Variants in TSEN15 observed in about 807,000 individuals in gnomAD.
TSEN15 encodes tRNA-splicing endonuclease subunit Sen15.
In TSEN15, 10 loss-of-function variants were observed where a neutral mutation model predicts 20.5. That is an observed-to-expected ratio of 0.49 (90% confidence interval 0.30 to 0.83). The LOEUF is 0.83. Among genes scored for constraint, TSEN15 ranks in the 40% least tolerant of loss-of-function variants. The probability of loss-of-function intolerance (pLI) is 0.06; values close to 1 mark genes in which losing one functional copy is unlikely to be tolerated. For missense variants in TSEN15, 180 were observed against 218.6 expected (o/e 0.82, Z 1.11); for synonymous variants, 72 against 80.1 (o/e 0.90, Z 0.54).
downstream of TSEN15, among the ~76,000 whole-genome samples, chr1:184,079,119 C>G (rs1651117137): frequency 1.3e-5 from 2 of 152,132 alleles, no homozygotes; most frequent in Non-Finnish European, 2.9e-5. Context: ...CTTACCACCC[C>G]CTAATCCTCT....
intron 3 of TSEN15, among the ~76,000 whole-genome samples, chr1:184,060,047 G>A (rs927964896): frequency 2.0e-5 from 3 of 152,138 alleles, no homozygotes; most frequent in African/African-American, 4.8e-5. Context: ...AATCCCAATG[G>A]GAAACATGGG....
intron 3 of TSEN15, among the ~76,000 whole-genome samples, chr1:184,083,973 A>G (rs954902115): frequency 5.3e-5 from 8 of 152,100 alleles, no homozygotes; most frequent in Admixed American, 4.6e-4. Context: ...GGCCTTATTA[A>G]TCCACCATTA....
chr1:184,072,373 G>T, intron 4 of TSEN15, 75 bp downstream of exon 4: 2 of 1,369,692 alleles, frequency 1.5e-6, no homozygotes, highest in African/African-American at 1.5e-5. Context: ...TGTGACTCAA[G>T]TCAGTCACAG....
At position 184,065,911 on chromosome 1, in the gene TSEN15, A is replaced by G. The variant is rs545027043; in HGVS notation, c.354-6246A>G. ...TTTGAATGCAAGTCCTTTATCAGATATGTGTTTTACAAATATTTTCTCCCA... is the reference window on the plus strand; with the variant it reads ...TTTGAATGCAAGTCCTTTATCAGATGTGTGTTTTACAAATATTTTCTCCCA... On this transcript the variant is annotated intron_variant, in intron 3 of 4. Transcript: ENST00000645668. Among the ~76,000 whole-genome samples the G allele has an allele frequency of 3.9e-5, 6 of 152,272 alleles. No homozygotes were observed. The South Asian group carries it at 8.3e-4, about 21-fold the overall frequency.
intron 3 of TSEN15, among the ~76,000 whole-genome samples, chr1:184,079,599 T>G (rs1007660616): frequency 1.3e-5 from 2 of 152,148 alleles, no homozygotes; most frequent in Non-Finnish European, 2.9e-5. Flanking sequence ...TCAGAGCACG[T>G]GCAAGTGCAT....
chr1:184,089,143 AAT>A (rs1406847756), intron 3 of TSEN15, among the ~76,000 whole-genome samples: 1 of 152,234 alleles, frequency 6.6e-6, no homozygotes, highest in Non-Finnish European at 1.5e-5. Flanking sequence ...AACTTCACAA[AAT>A]ATCAATTTTA....
chr1:184,068,646 T>C (rs1344344531), intron 3 of TSEN15, among the ~76,000 whole-genome samples: 1 of 152,194 alleles, frequency 6.6e-6, no homozygotes, highest in Non-Finnish European at 1.5e-5. Flanking sequence ...GGCATTGGCA[T>C]GAATTTCAAG....
rs1348706704 is a variant in TSEN15 at position 184,072,109 on chromosome 1, C to G, written c.354-48C>G. The G allele has an allele frequency of 2.5e-6, 4 of 1,590,462 alleles. No individual in the cohort carries two copies. In the East Asian group the frequency reaches 6.8e-5, roughly 27 times the overall value. ...AGTGCTTTCTTCTGTCACATCTCAT[C>G]TAATTGAGTGACCGCAACTCCTAAG... On this transcript the variant is annotated intron_variant, in intron 3 of 4. Coordinates refer to ENST00000645668, the MANE Select transcript of TSEN15 (RefSeq NM_052965.4).
At chr1:184,074,844 A>G (rs1348684588), downstream of TSEN15, among the ~76,000 whole-genome samples, 2 of 151,956 alleles carry the variant, frequency 1.3e-5, no homozygotes, top group African/African-American at 4.8e-5. Context: ...AGGTCTCCAT[A>G]ACTCCTTCAG....
intron 3 of TSEN15, among the ~76,000 whole-genome samples, chr1:184,085,771 C>T (rs1439565016): frequency 2.0e-5 from 3 of 152,118 alleles, no homozygotes; most frequent in Non-Finnish European, 2.9e-5. Flanking sequence ...GGTCCATGGA[C>T]CACATTTTGA....
At chr1:184,068,085 AT>A (rs1445069923) in intron 3 of TSEN15, among the ~76,000 whole-genome samples, 1 of 149,754 alleles carries the variant, frequency 6.7e-6, no homozygotes, top group South Asian at 2.1e-4. Flanking sequence ...TTTTAGTTGA[AT>A]TTTTTTTCAT....
intron 3 of TSEN15, among the ~76,000 whole-genome samples, chr1:184,083,319 G>C (rs1439478038): frequency 6.6e-6 from 1 of 152,134 alleles, no homozygotes; most frequent in Non-Finnish European, 1.5e-5. Context: ...GCATGCTTAT[G>C]CTACAAGATC....
intron 3 of TSEN15, among the ~76,000 whole-genome samples, chr1:184,083,644 C>T (rs1290902138): frequency 2.0e-5 from 3 of 152,150 alleles, no homozygotes; most frequent in Non-Finnish European, 4.4e-5. Flanking sequence ...CATCTCTTCT[C>T]CCATCCCAAG....
intron 3 of TSEN15, among the ~76,000 whole-genome samples, chr1:184,068,147 A>G (rs2102890893): frequency 6.6e-6 from 1 of 151,496 alleles, no homozygotes; most frequent in Middle Eastern, 3.4e-3. Context: ...GCCTTGGGAA[A>G]AGGACTTATA....
At chr1:184,060,315 T>A (rs1650405387) in intron 3 of TSEN15, among the ~76,000 whole-genome samples, 1 of 152,236 alleles carries the variant, frequency 6.6e-6, no homozygotes. Flanking sequence ...AAGGAAAATG[T>A]CTCTTCACTA....
At chr1:184,093,382 A>G (rs188804070) in intron 3 of TSEN15, among the ~76,000 whole-genome samples, 5 of 152,264 alleles carry the variant, frequency 3.3e-5, no homozygotes, top group South Asian at 4.1e-4. Flanking sequence ...ACAGAACCCA[A>G]TTGGATCTAA....
intron 3 of TSEN15, among the ~76,000 whole-genome samples, chr1:184,082,700 G>GT (rs1281250148): frequency 1.3e-5 from 2 of 152,166 alleles, no homozygotes; most frequent in African/African-American, 2.4e-5. Context: ...TCCCCAACAG[G>GT]TTTTTTCCCC....
chr1:184,095,562 C>A (rs1651433204), intron 3 of TSEN15: 6 of 394,144 alleles, frequency 1.5e-5, no homozygotes, highest in Non-Finnish European at 2.7e-5. Context: ...GGGCCTTAAT[C>A]CAACAGGACT....
At chr1:184,069,809 C>A (rs905486778) in intron 3 of TSEN15, among the ~76,000 whole-genome samples, 3 of 151,942 alleles carry the variant, frequency 2.0e-5, no homozygotes, top group East Asian at 3.9e-4. Context: ...CTTGAAAAAT[C>A]GACTAGAAGA....
Sources: allele counts gnomAD v4.1 joint callset (sites outside exome capture counted in the v4.1 genomes callset), GRCh38; gene constraint gnomAD v4.1.1; transcripts MANE v1.5; gene names NCBI Gene and HGNC (gene_info 2026-07-23, HGNC 2026-07-21).